MALRD1: variants seen among roughly 807,000 people sequenced by gnomAD.
MALRD1 encodes the protein MAM and LDL receptor class A domain containing 1, also known as MAM and LDL-receptor class A domain-containing protein 1.
Under a neutral mutation model 242.1 loss-of-function variants are expected in MALRD1, and 247 were observed. The ratio of observed to expected loss-of-function variants is 1.02; its 90% CI spans 0.92 to 1.13. The LOEUF is 1.13. Ranked by LOEUF, MALRD1 falls within the 50% of genes most tolerant of loss-of-function variation. The pLI is 0.00. For synonymous variants in MALRD1, 995 were observed against 866.6 expected (o/e 1.15, Z -2.60); for missense variants, 2,989 against 2,533.1 (o/e 1.18, Z -3.86).
At chr10:19,100,492 A>G (rs1302101695) in intron 4 of MALRD1, among the ~76,000 whole-genome samples, 1 of 152,210 alleles carries the variant, frequency 6.6e-6, no homozygotes, top group Non-Finnish European at 1.5e-5. Context: ...AAAGGAAAAT[A>G]GGGATTAATG....
At chr10:19,180,106 G>A (rs1835438656) in intron 14 of MALRD1, among the ~76,000 whole-genome samples, 1 of 152,172 alleles carries the variant, frequency 6.6e-6, no homozygotes, top group Non-Finnish European at 1.5e-5. Context: ...CCATTTTATT[G>A]ATTACCTATA....
chr10:19,281,154 G>A lies in MALRD1; in HGVS notation c.3256+931G>A, dbSNP rs746924265. Among the ~76,000 whole-genome samples, 195 of 152,104 alleles carry A rather than the reference G, an allele frequency of 1.3e-3. 1 individual carries two copies. The highest frequency in any genetic ancestry group is 1.5e-3 in the Non-Finnish European group (100 of 68,010). On this transcript the variant is annotated intron_variant, in intron 20 of 39. Coordinates refer to ENST00000454679, the MANE Select transcript of MALRD1 (RefSeq NM_001142308.3). Reference sequence around the variant, plus strand: ...TAACTATCTAATCTAGACTAAAAAAGTCATAAAATCAAAGCTGACTCACTT... The same window carrying A: ...TAACTATCTAATCTAGACTAAAAAAATCATAAAATCAAAGCTGACTCACTT...
intron 7 of MALRD1, among the ~76,000 whole-genome samples, chr10:19,124,969 A>C (rs560805642): frequency 1.0e-3 from 88 of 87,296 alleles, no homozygotes; most frequent in Admixed American, 1.8e-3. Flanking sequence ...TTTTTGAGAC[A>C]GAGTCTCAAT....
At chr10:19,673,074 G>A (rs1841995500) in intron 36 of MALRD1, among the ~76,000 whole-genome samples, 1 of 152,014 alleles carries the variant, frequency 6.6e-6, no homozygotes, top group African/African-American at 2.4e-5. Context: ...AAGGTCCTCT[G>A]CTTTTTATAC....
At chr10:19,525,710 A>G (rs1453060800) in intron 31 of MALRD1, among the ~76,000 whole-genome samples, 1 of 152,208 alleles carries the variant, frequency 6.6e-6, no homozygotes, top group Admixed American at 6.5e-5. Context: ...TTAAATGAAA[A>G]GTGTCCAGAA....
At chr10:19,368,798 T>C (rs1473854457) in intron 26 of MALRD1, among the ~76,000 whole-genome samples, 1 of 151,744 alleles carries the variant, frequency 6.6e-6, no homozygotes, top group East Asian at 1.9e-4. Flanking sequence ...CTCAGTGTTT[T>C]GGTGTTTTCC....
chr10:19,254,991 T>C (rs1451698583), intron 18 of MALRD1, among the ~76,000 whole-genome samples: 1 of 151,986 alleles, frequency 6.6e-6, no homozygotes, highest in Non-Finnish European at 1.5e-5. Flanking sequence ...CCTAAATACA[T>C]AGAAGGATGA....
chr10:19,131,919 G>GA (rs1418661950), intron 8 of MALRD1, among the ~76,000 whole-genome samples: 3 of 152,192 alleles, frequency 2.0e-5, no homozygotes, highest in African/African-American at 7.2e-5. Context: ...ACTAGAAAGT[G>GA]GAAGAGTAAG....
chr10:19,557,825 T>C (rs1390960782), intron 32 of MALRD1, among the ~76,000 whole-genome samples: 3 of 152,092 alleles, frequency 2.0e-5, no homozygotes, highest in African/African-American at 7.2e-5. Flanking sequence ...GCTAGGACTT[T>C]GACTATGATT....
intron 28 of MALRD1, among the ~76,000 whole-genome samples, chr10:19,434,594 A>G (rs1274503158): frequency 1.3e-5 from 2 of 151,984 alleles, no homozygotes; most frequent in South Asian, 4.1e-4. Context: ...ATATTAATCT[A>G]GATTCACATA....
intron 36 of MALRD1, among the ~76,000 whole-genome samples, chr10:19,673,381 C>A (rs1443170262): frequency 6.6e-6 from 1 of 152,018 alleles, no homozygotes; most frequent in Non-Finnish European, 1.5e-5. Flanking sequence ...AGTGGGACTC[C>A]GTCTCAAAAT....
At chr10:19,671,038 C>A (rs1841897648) in intron 36 of MALRD1, among the ~76,000 whole-genome samples, 1 of 152,034 alleles carries the variant, frequency 6.6e-6, no homozygotes, top group African/African-American at 2.4e-5. Context: ...GCCACCACGC[C>A]TGGCTAATTT....
At chr10:19,300,865 TAA>T (rs1289744900) in intron 21 of MALRD1, among the ~76,000 whole-genome samples, 2 of 152,064 alleles carry the variant, frequency 1.3e-5, no homozygotes, top group Admixed American at 1.3e-4. Flanking sequence ...AAGTGAGACC[TAA>T]TTAAACTAAA....
chr10:19,308,069 A>G (rs1387913585), intron 21 of MALRD1, among the ~76,000 whole-genome samples: 1 of 151,604 alleles, frequency 6.6e-6, no homozygotes, highest in Non-Finnish European at 1.5e-5. Context: ...AAAATGTACA[A>G]TTAAGTTATT....
At chr10:19,101,525 A>G (rs1168687778) in intron 4 of MALRD1, among the ~76,000 whole-genome samples, 1 of 136,896 alleles carries the variant, frequency 7.3e-6, no homozygotes, top group Non-Finnish European at 1.5e-5. Context: ...TATATAATAT[A>G]TAATATTGAT....
intron 28 of MALRD1, among the ~76,000 whole-genome samples, chr10:19,435,943 T>C (rs1251698312): frequency 2.6e-5 from 4 of 152,194 alleles, no homozygotes; most frequent in African/African-American, 9.6e-5. Flanking sequence ...TATGGGCTCA[T>C]TCATATTTAT....
intron 24 of MALRD1, among the ~76,000 whole-genome samples, chr10:19,336,101 T>C (rs967477940): frequency 1.3e-5 from 2 of 152,194 alleles, no homozygotes; most frequent in African/African-American, 4.8e-5. Flanking sequence ...TGTATATCAG[T>C]GTAGACTCTG....
intron 29 of MALRD1, among the ~76,000 whole-genome samples, chr10:19,477,806 G>T (rs1836808654): frequency 6.6e-6 from 1 of 152,148 alleles, no homozygotes; most frequent in African/African-American, 2.4e-5. Flanking sequence ...CATAGCACAT[G>T]AAGAAGCTGG....
At chr10:19,686,347 G>A (rs1027637904) in intron 36 of MALRD1, among the ~76,000 whole-genome samples, 1 of 152,144 alleles carries the variant, frequency 6.6e-6, no homozygotes, top group Non-Finnish European at 1.5e-5. Flanking sequence ...GGGGCCCACT[G>A]ATGCTTGGGA....
Sources: gnomAD v4.1 joint callset for allele counts (sites outside exome capture counted in the v4.1 genomes callset) on GRCh38, gnomAD v4.1.1 for gene constraint, MANE v1.5 for transcripts, NCBI Gene and HGNC (gene_info 2026-07-23, HGNC 2026-07-21) for gene names.